CASP8: variants seen among roughly 807,000 people sequenced by gnomAD.
CASP8 encodes caspase 8.
CASP8 carries 24 observed loss-of-function variants against 46.3 expected under a neutral mutation model. The observed-to-expected ratio is 0.52, with a 90% CI of 0.38 to 0.73. The LOEUF (loss-of-function observed/expected upper bound fraction) is 0.73, where lower values mean the gene tolerates loss of function less well. Among genes scored for constraint, CASP8 ranks in the 30% least tolerant of loss-of-function variants. The probability of loss-of-function intolerance (pLI) is 0.00; values close to 1 mark genes in which losing one functional copy is unlikely to be tolerated. For synonymous variants in CASP8, 188 were observed against 200.4 expected (o/e 0.94, Z 0.52); for missense variants, 460 against 559.0 (o/e 0.82, Z 1.79).
chr2:201,273,716 C>T (rs1008966796), intron 5 of CASP8, among the ~76,000 whole-genome samples: 2 of 151,876 alleles, frequency 1.3e-5, no homozygotes, highest in African/African-American at 4.8e-5. Flanking sequence ...ACTTTGTCCC[C>T]CAGGCTAGAA....
intron 2 of CASP8, among the ~76,000 whole-genome samples, chr2:201,253,536 CTGT>C (rs1946881995): frequency 6.6e-6 from 1 of 151,856 alleles, no homozygotes; most frequent in African/African-American, 2.4e-5. Context: ...AACAAATGCA[CTGT>C]TATTATATCA....
chr2:201,265,698 C>T (rs772774047), intron 1 of CASP8, among the ~76,000 whole-genome samples: 6 of 152,132 alleles, frequency 3.9e-5, no homozygotes, highest in Admixed American at 6.5e-5. Context: ...TGACATGGTA[C>T]CTGGCTAGAG....
At chr2:201,261,082 A>G (rs1256548188) in intron 1 of CASP8, among the ~76,000 whole-genome samples, 1 of 152,132 alleles carries the variant, frequency 6.6e-6, no homozygotes. Context: ...TACTAATTCA[A>G]TTATTTATTT....
intron 2 of CASP8, among the ~76,000 whole-genome samples, chr2:201,254,153 A>C (rs137923593): frequency 1.6e-4 from 25 of 152,254 alleles, no homozygotes; most frequent in African/African-American, 6.0e-4. Flanking sequence ...TAACAAACTC[A>C]ATTTCTTCCT....
intron 6 of CASP8, among the ~76,000 whole-genome samples, chr2:201,275,180 C>T (rs1036060570): frequency 3.3e-5 from 5 of 151,832 alleles, no homozygotes; most frequent in Non-Finnish European, 5.9e-5. Context: ...TTTTAAGACC[C>T]GAGATGAAGA....
intron 2 of CASP8, among the ~76,000 whole-genome samples, chr2:201,253,606 T>A (rs555874337): frequency 7.9e-5 from 12 of 152,174 alleles, no homozygotes; most frequent in Non-Finnish European, 1.6e-4. Context: ...ATGTACTTGA[T>A]GTCACTTAAA....
upstream of CASP8, among the ~76,000 whole-genome samples, chr2:201,255,544 A>G (rs1462398864): frequency 6.6e-6 from 1 of 152,186 alleles, no homozygotes; most frequent in Non-Finnish European, 1.5e-5. Context: ...CATTTCTGCT[A>G]GGCTGGGCCT....
At chr2:201,277,702 ATTTTTT>A in intron 7 of CASP8, 1 of 403,044 alleles carries the variant, frequency 2.5e-6, no homozygotes, top group Admixed American at 2.8e-5. Flanking sequence ...CCCTATTAAC[ATTTTTT>A]TTTTTTTTTT....
chr2:201,283,388 C>G (rs1245979636), intron 7 of CASP8, among the ~76,000 whole-genome samples: 1 of 55,878 alleles, frequency 1.8e-5, no homozygotes, highest in Non-Finnish European at 4.2e-5. Flanking sequence ...GCTGGCCAGG[C>G]GGGGGGCTGA....
chr2:201,247,190 CAAAAA>C (rs71022356), intron 2 of CASP8, among the ~76,000 whole-genome samples: 4 of 81,426 alleles, frequency 4.9e-5, no homozygotes, highest in Non-Finnish European at 4.6e-5. Context: ...CTGTCTGTCT[CAAAAA>C]AAAAAAAAAA....
chr2:201,285,362 C>T (rs2125494696), intron 8 of CASP8, 45 bp downstream of exon 8: 4 of 1,602,448 alleles, frequency 2.5e-6, no homozygotes, highest in Middle Eastern at 2.2e-4. Context: ...CACTACCTTC[C>T]CCCCCTACTC....
chr2:201,269,268 C>T (rs1476055953), intron 2 of CASP8, among the ~76,000 whole-genome samples: 1 of 152,050 alleles, frequency 6.6e-6, no homozygotes, highest in African/African-American at 2.4e-5. Flanking sequence ...GAGATTTTAT[C>T]TGCAAACGTC....
chr2:201,286,674 G>T lies in CASP8; in HGVS notation c.*80G>T, dbSNP rs1457457056. 2 of 1,280,282 alleles carry T rather than the reference G, an allele frequency of 1.6e-6. No homozygotes were observed. The highest frequency in any genetic ancestry group is 2.2e-6 in the Non-Finnish European group (2 of 904,918). The allele number at this position is 1,280,282 out of a possible 1,614,324, so 79.3% of individuals were successfully genotyped here. A position where few individuals can be genotyped will look rare whatever the true frequency, so the allele number is the denominator to read the frequency against. ...TCTGTCGCCCAGGCTGGAGTGCAGT[G>T]GCGTGATCTCGGCTCACCGCAAGCT... On this transcript the variant is annotated 3_prime_UTR_variant, in exon 9 of 9. Coordinates refer to ENST00000673742, the MANE Select transcript of CASP8 (RefSeq NM_001372051.1).
In CASP8 at chr2:201,272,948, G is replaced by A. The variant is rs1559358510; in HGVS notation, c.595+6G>A. On this transcript the variant is annotated splice_donor_region_variant and intron_variant, in intron 5 of 8. Transcript: ENST00000673742. The surrounding 1 kb of genome is among the most constrained non-coding windows in gnomAD (Gnocchi z 4.4). ...TCCTGATGAATTTTCAAATGGTAAT[G>A]CTTGGAGATACATTTTCAAGATTTA... The A allele has an allele frequency of 1.2e-6, 2 of 1,612,772 alleles. No individual in the cohort carries two copies. Among genetic ancestry groups the A allele is most frequent in the East Asian group, 2.2e-5 (1 of 44,866 alleles).
chr2:201,274,906 G>T lies in CASP8; in HGVS notation c.613G>T (p.Val205Leu). ...EFSNGEELCG[V>L]MTISDSPREQ... The stretch of plus-strand genomic sequence containing the variant: ...GTTTGCAGGGGAGGAGTTGTGTGGG[G>T]TAATGACAATCTCGGACTCTCCAAG... Residue 205 changes from valine (V) to leucine (L), a missense_variant, in exon 6 of 9, where the codon GTA (valine) becomes TTA (leucine). Transcript: ENST00000673742. The T allele has an allele frequency of 6.2e-7, 1 of 1,613,388 alleles. No homozygotes were observed.
intron 2 of CASP8, among the ~76,000 whole-genome samples, chr2:201,247,570 C>G (rs935708288): frequency 6.6e-6 from 1 of 150,854 alleles, no homozygotes; most frequent in Non-Finnish European, 1.5e-5. Context: ...CCTCTGCCTC[C>G]CAGGTTCAAG....
chr2:201,259,077 T>C (rs1947205629), upstream of CASP8, among the ~76,000 whole-genome samples: 1 of 152,238 alleles, frequency 6.6e-6, no homozygotes, highest in African/African-American at 2.4e-5. Flanking sequence ...TTGAAGGAGA[T>C]AATACGCATA....
chr2:201,275,501 G>T (rs559332406), intron 6 of CASP8, among the ~76,000 whole-genome samples: 33 of 152,238 alleles, frequency 2.2e-4, no homozygotes, highest in African/African-American at 7.5e-4. Flanking sequence ...CTTATTAGAC[G>T]ATCTGCTCCT....
At chr2:201,271,483 A>G in intron 2 of CASP8, 33 bp from the exon 3 acceptor site, 2 of 1,290,292 alleles carry the variant, frequency 1.6e-6, no homozygotes, top group South Asian at 1.2e-5. Flanking sequence ...ATTTGGGAAA[A>G]GATTTCTAAA....
Sources: gnomAD v4.1 joint callset for allele counts (sites outside exome capture counted in the v4.1 genomes callset) on GRCh38, gnomAD v4.1.1 for gene constraint, Gnocchi (gnomAD v3.1) non-coding constraint, MANE v1.5 for transcripts, NCBI Gene and HGNC (gene_info 2026-07-23, HGNC 2026-07-21) for gene names.